Variants in ZCCHC14 observed in about 807,000 individuals in gnomAD.
The protein encoded by ZCCHC14 is zinc finger CCHC-type containing 14, also known as zinc finger CCHC domain-containing protein 14.
In ZCCHC14, 16 loss-of-function variants were observed where a neutral mutation model predicts 85.0. The observed-to-expected ratio is 0.19, with a 90% CI of 0.13 to 0.29. The LOEUF (loss-of-function observed/expected upper bound fraction) is 0.29. ZCCHC14 is among the 10% of genes least tolerant of loss of function. ZCCHC14 has a pLI of 1.00. For missense variants in ZCCHC14, 1,303 were observed against 1,443.5 expected, an observed-to-expected ratio of 0.90 and a Z score of 1.58; for synonymous variants, 775 against 630.7, an observed-to-expected ratio of 1.23 and a Z score of -3.43.
chr16:87,417,044 C>G (rs1446603034), intron 8 of ZCCHC14, among the ~76,000 whole-genome samples: 4 of 152,182 alleles, frequency 2.6e-5, no homozygotes, highest in African/African-American at 9.7e-5. Context: ...TAAGAATTCT[C>G]TAGGTACGAC....
rs182583757 is a variant in ZCCHC14, at chr16:87,446,039, T to C, written c.695-12838A>G. Among the ~76,000 whole-genome samples, 445 of 152,136 alleles carry C rather than the reference T, an allele frequency of 2.9e-3. 2 individuals are homozygous for C. Among genetic ancestry groups the C allele is most frequent in the African/African-American group, 0.01 (428 of 41,498 alleles). Reference sequence around the variant, plus strand: ...AATTTTGGCCAGGCACGGTGGCACATGCCTGTAGTCCCAGCTATTTGGGAG... The same window carrying C: ...AATTTTGGCCAGGCACGGTGGCACACGCCTGTAGTCCCAGCTATTTGGGAG... On this transcript the variant is annotated intron_variant, in intron 2 of 12. Transcript: ENST00000671377.
intron 12 of ZCCHC14, 191 bp downstream of exon 12, chr16:87,411,325 G>A (rs538615590): frequency 1.4e-6 from 2 of 1,471,266 alleles, no homozygotes; most frequent in Non-Finnish European, 1.8e-6. Flanking sequence ...AATCATCATG[G>A]CCGTTTTAGA....
At chr16:87,460,208 C>G (rs1387210175) in intron 1 of ZCCHC14, 77 bp from the exon 2 acceptor site, 1 of 1,529,422 alleles carries the variant, frequency 6.5e-7, no homozygotes, top group African/African-American at 1.4e-5. Context: ...TTAATTAAGT[C>G]TTTCATAATT....
intron 2 of ZCCHC14, among the ~76,000 whole-genome samples, chr16:87,445,535 T>C (rs1014177248): frequency 1.3e-5 from 2 of 152,234 alleles, no homozygotes; most frequent in Non-Finnish European, 2.9e-5. Context: ...CTGTGAAGGA[T>C]CATAATCCAT....
chr16:87,431,902 G>A (rs556289534), intron 3 of ZCCHC14, among the ~76,000 whole-genome samples: 1 of 152,272 alleles, frequency 6.6e-6, no homozygotes, highest in South Asian at 2.1e-4. Context: ...CGTGGGCGCC[G>A]AGACTCCGGC....
intron 3 of ZCCHC14, among the ~76,000 whole-genome samples, chr16:87,430,999 G>GTA (rs1597412720): frequency 6.6e-6 from 1 of 152,198 alleles, no homozygotes; most frequent in East Asian, 1.9e-4. Context: ...AATTAGCTGG[G>GTA]TATGGTGGCA....
chr16:87,491,774 C>A lies in ZCCHC14; in HGVS notation c.465G>T (p.Gln155His), dbSNP rs535214218. Residue 155 changes from glutamine to histidine, a missense_variant, in exon 1 of 13, where the codon CAG (glutamine) becomes CAT (histidine). Around this residue, in one of 7 missense-constraint regions of ZCCHC14, gnomAD observed 389 missense variants for 397.8 expected, o/e 0.98. Transcript: ENST00000671377. The surrounding 1 kb of genome is among the most constrained non-coding windows in gnomAD (Gnocchi z 5.9). Reference sequence around the variant, plus strand: ...GGCTGCTCTGGATCTGCGTGAGCTCCTGGCGCAGCACCTGCTTCTGGTGGA... The same window carrying A: ...GGCTGCTCTGGATCTGCGTGAGCTCATGGCGCAGCACCTGCTTCTGGTGGA... Reference protein sequence around the residue: ...FSFHQKQVLRQELTQIQSSLN... With the variant: ...FSFHQKQVLRHELTQIQSSLN... The A allele has an allele frequency of 1.9e-5, 30 of 1,589,262 alleles. No individual in the cohort carries two copies. The highest frequency in any genetic ancestry group is 1.1e-4 in the Admixed American group (6 of 57,008).
intron 2 of ZCCHC14, among the ~76,000 whole-genome samples, chr16:87,442,865 C>G (rs1858288305): frequency 6.6e-6 from 1 of 152,162 alleles, no homozygotes; most frequent in African/African-American, 2.4e-5. Context: ...TTTTAAAGTA[C>G]TAAAGGCAAA....
intron 1 of ZCCHC14, among the ~76,000 whole-genome samples, chr16:87,460,409 G>T (rs1911201523): frequency 6.6e-6 from 1 of 152,118 alleles, no homozygotes; most frequent in African/African-American, 2.4e-5. Flanking sequence ...AGCCAAAGAG[G>T]CCGGGCACGG....
Position 87,411,627 on chromosome 16 carries a change from T to C in ZCCHC14, c.3094A>G (p.Ser1032Gly). ...CTCTTTTTGTGACTGGAACCATTGC[T>C]ACTGCCCACCAGTCCTTGGGTCTGG... ...VYQTQGLVGS[S>G]NGSSHKKSGN... Residue 1032 changes from serine to glycine, a missense_variant, in exon 12 of 13, where the codon AGC (serine) becomes GGC (glycine). Ser to Gly is a moderately conservative substitution (Grantham distance 56, BLOSUM62 0). Around this residue, in one of 7 missense-constraint regions of ZCCHC14, gnomAD observed 797 missense variants for 730.8 expected, o/e 1.09. Transcript: ENST00000671377. 6.2e-7 allele frequency: 1 copy of C among 1,614,002 alleles called. No homozygotes were observed. The highest frequency in any genetic ancestry group is 1.3e-5 in the African/African-American group (1 of 75,046).
At chr16:87,434,577 A>T (rs1909820816) in intron 2 of ZCCHC14, among the ~76,000 whole-genome samples, 1 of 152,208 alleles carries the variant, frequency 6.6e-6, no homozygotes, top group Non-Finnish European at 1.5e-5. Flanking sequence ...TGAATGTGAC[A>T]CTTCCTGCAG....
chr16:87,458,844 C>T (rs952637715), intron 2 of ZCCHC14, among the ~76,000 whole-genome samples: 1 of 152,154 alleles, frequency 6.6e-6, no homozygotes, highest in Non-Finnish European at 1.5e-5. Context: ...CAGCCGGCCT[C>T]GGTACCTCTA....
Position 87,418,838 on chromosome 16 carries a change from A to T in ZCCHC14, c.1100+9T>A, listed in dbSNP as rs1196959347. ...CTGAACTGTGCTGGTTACATAGAAG[A>T]TTTCTCACCTTCCAGACACGCCCAT... On this transcript the variant is annotated intron_variant, in intron 7 of 12. Transcript: ENST00000671377. 6.2e-7 allele frequency: 1 copy of T among 1,612,678 alleles called. No homozygotes were observed. Among genetic ancestry groups the T allele is most frequent in the Non-Finnish European group, 8.5e-7 (1 of 1,178,912 alleles).
chr16:87,451,283 G>A (rs369523958), intron 2 of ZCCHC14, among the ~76,000 whole-genome samples: 12 of 150,090 alleles, frequency 8.0e-5, no homozygotes, highest in Non-Finnish European at 1.0e-4. Context: ...TGCAACCTTC[G>A]CCTCCCGGGT....
chr16:87,455,834 C>T (rs1028592137), intron 2 of ZCCHC14, among the ~76,000 whole-genome samples: 4 of 152,188 alleles, frequency 2.6e-5, no homozygotes, highest in African/African-American at 9.7e-5. Context: ...CAATAGATTA[C>T]ATGAGTCAAA....
At chr16:87,454,630 G>T (rs1346184178) in intron 2 of ZCCHC14, among the ~76,000 whole-genome samples, 1 of 152,228 alleles carries the variant, frequency 6.6e-6, no homozygotes, top group East Asian at 1.9e-4. Context: ...AAGTTCTTCA[G>T]GCTGACGGGA....
rs529710161 is a variant in ZCCHC14, at chr16:87,449,599, GTCTT to G, written c.694+10405_694+10408del. On this transcript the variant is annotated intron_variant, in intron 2 of 12. Transcript: ENST00000671377. ...GAAAACCAGTAGTTTTCCGCCAAATGTCTTTCTTTAATTTGCTTTCAAGGTATCT... is the reference window on the plus strand; with the variant it reads ...GAAAACCAGTAGTTTTCCGCCAAATGTCTTTAATTTGCTTTCAAGGTATCT... Among the ~76,000 whole-genome samples the G allele has an allele frequency of 1.6e-4, 25 of 152,174 alleles. No homozygotes were observed. The South Asian group carries it at 5.0e-3, about 30-fold the overall frequency.
At position 87,412,742 on chromosome 16, in the gene ZCCHC14, A is replaced by T. The variant is rs778694865; in HGVS notation, c.1979T>A (p.Met660Lys). The T allele has an allele frequency of 6.2e-7, 1 of 1,614,218 alleles. No homozygotes were observed. The change falls in exon 12 of 13, where the codon ATG (methionine) becomes AAG (lysine). Residue 660 changes from methionine (M) to lysine (K), a missense_variant. Coordinates refer to ENST00000671377, the MANE Select transcript of ZCCHC14 (RefSeq NM_015144.3). ...GTGCACAGAAGACGAGAGGAGCTTCATGTCCGCGCTCCCTCTTTCCGGCTT... is the reference window on the plus strand; with the variant it reads ...GTGCACAGAAGACGAGAGGAGCTTCTTGTCCGCGCTCCCTCTTTCCGGCTT... The part of the protein sequence containing the change: ...VHKPERGSAD[M>K]KLLSSSVHSL...
rs547236949 is a variant in ZCCHC14 at position 87,409,995 on chromosome 16, G to T, written c.*285C>A. 1 of 276,588 alleles carries T rather than the reference G, an allele frequency of 3.6e-6. No individual in the cohort carries two copies. The highest frequency in any genetic ancestry group is 6.8e-6 in the Non-Finnish European group (1 of 148,110). The allele number at this position is 276,588 out of a possible 1,614,324, so 17.1% of individuals were successfully genotyped here. On this transcript the variant is annotated 3_prime_UTR_variant, in exon 13 of 13. Transcript: ENST00000671377. ...AGGGCCAGTGATGGCAATGCTCTTC[G>T]GGAGACATGGCGTCTCTGCACTGCA...
Sources: allele counts gnomAD v4.1 joint callset (sites outside exome capture counted in the v4.1 genomes callset), GRCh38; gene constraint gnomAD v4.1.1; regional missense constraint gnomAD v4.1.1; non-coding constraint Gnocchi (gnomAD v3.1); transcripts MANE v1.5; gene names NCBI Gene and HGNC (gene_info 2026-07-23, HGNC 2026-07-21).